The following DGKD variants were observed in gnomAD, a reference collection of about 807,000 sequenced individuals.
The protein encoded by DGKD is diacylglycerol kinase delta, also known as DAG kinase delta.
In DGKD, 68 loss-of-function variants were observed where a neutral mutation model predicts 154.4. The ratio of observed to expected loss-of-function variants is 0.44; its 90% CI spans 0.36 to 0.54. The LOEUF is 0.54. Ranked by LOEUF, DGKD falls within the 20% of genes least tolerant of loss-of-function variation. The pLI, the probability that DGKD is intolerant of heterozygous loss-of-function variation, is 0.00. For missense variants in DGKD, 1,343 were observed against 1,593.6 expected, an observed-to-expected ratio of 0.84 and a Z score of 2.68; for synonymous variants, 693 against 638.0, an observed-to-expected ratio of 1.09 and a Z score of -1.30.
At chr2:233,380,406 G>C (rs895289309) in intron 1 of DGKD, among the ~76,000 whole-genome samples, 1 of 152,188 alleles carries the variant, frequency 6.6e-6, no homozygotes, top group African/African-American at 2.4e-5. Flanking sequence ...ATGTCATCAG[G>C]ACCCACACTG....
At chr2:233,425,914 G>A (rs576982369) in intron 3 of DGKD, among the ~76,000 whole-genome samples, 2 of 152,316 alleles carry the variant, frequency 1.3e-5, no homozygotes, top group East Asian at 1.9e-4. Flanking sequence ...TAAATTTATA[G>A]AAGCATGGTT....
At chr2:233,400,549 C>T (rs542255204) in intron 3 of DGKD, among the ~76,000 whole-genome samples, 4 of 152,362 alleles carry the variant, frequency 2.6e-5, no homozygotes, top group South Asian at 2.1e-4. Context: ...TCTCCTCTCA[C>T]GGCTCTCCTT....
At chr2:233,400,231 C>CT (rs2061525130) in intron 3 of DGKD, among the ~76,000 whole-genome samples, 1 of 152,204 alleles carries the variant, frequency 6.6e-6, no homozygotes, top group Admixed American at 6.5e-5. Flanking sequence ...ATTTTCTAGA[C>CT]TAAGTAGGAA....
chr2:233,356,487 G>A (rs141815014), intron 1 of DGKD, among the ~76,000 whole-genome samples: 215 of 152,340 alleles, frequency 1.4e-3, no homozygotes, highest in Non-Finnish European at 2.2e-3. Flanking sequence ...GTACTGACCA[G>A]TGTGGGGTAG....
intron 3 of DGKD, among the ~76,000 whole-genome samples, chr2:233,406,634 T>C (rs959295498): frequency 6.6e-6 from 1 of 152,242 alleles, no homozygotes; most frequent in Non-Finnish European, 1.5e-5. Flanking sequence ...GACTATATTG[T>C]ATTAAAATTG....
chr2:233,433,086 C>G (rs1176058069), intron 3 of DGKD, among the ~76,000 whole-genome samples: 1 of 152,196 alleles, frequency 6.6e-6, no homozygotes, highest in East Asian at 1.9e-4. Flanking sequence ...AATCCCACTG[C>G]TAGGTATATA....
chr2:233,413,362 G>GT (rs2061875298), intron 3 of DGKD, among the ~76,000 whole-genome samples: 1 of 151,238 alleles, frequency 6.6e-6, no homozygotes, highest in South Asian at 2.1e-4. Flanking sequence ...TAGGTATGCA[G>GT]TTTTTTTGGG....
intron 1 of DGKD, among the ~76,000 whole-genome samples, chr2:233,355,283 CAA>C (rs1701486043): frequency 6.6e-6 from 1 of 152,234 alleles, no homozygotes; most frequent in East Asian, 1.9e-4. Context: ...GCTTGGCACC[CAA>C]CTCTCCACGG....
rs770579368 is a variant in DGKD at position 233,450,108 on chromosome 2, C to T, written c.2015C>T (p.Pro672Leu). ...PLSHSESFGVPKGRSQRKVSK... is the reference protein window; with the variant it reads ...PLSHSESFGVLKGRSQRKVSK... ...TCCCACAGCGAGAGCTTCGGGGTCC[C>T]CAAGGGGAGGAGCCAGCGCAAAGGT... Residue 672 changes from proline (P) to leucine (L), a missense_variant, in exon 16 of 30, where the codon CCC becomes CTC. Pro to Leu is a moderately conservative substitution (Grantham distance 98). Transcript: ENST00000264057. 6.2e-7 allele frequency: 1 copy of T among 1,612,828 alleles called. No individual in the cohort carries two copies. The highest frequency in any genetic ancestry group is 8.5e-7 in the Non-Finnish European group (1 of 1,179,418).
At chr2:233,437,526 C>A (rs1385397011) in intron 8 of DGKD, 47 bp downstream of exon 8, 1 of 1,552,138 alleles carries the variant, frequency 6.4e-7, no homozygotes, top group Admixed American at 1.7e-5. Flanking sequence ...CCACACGCTT[C>A]CTTCTCCACG....
Position 233,458,612 on chromosome 2 carries a change from ATT to A in DGKD, c.2694+231_2694+232del, listed in dbSNP as rs1181817947. Among the ~76,000 whole-genome samples, 98 of 140,078 alleles carry A rather than the reference ATT, an allele frequency of 7.0e-4. No homozygotes were observed. Among genetic ancestry groups the A allele is most frequent in the African/African-American group, 1.6e-3 (62 of 38,058 alleles). 91.9% of individuals were successfully genotyped at this position (140,078 alleles called of 152,430 possible). A position where few individuals can be genotyped will look rare whatever the true frequency, so the allele number is the denominator to read the frequency against. On this transcript the variant is annotated intron_variant, in intron 22 of 29. Transcript: ENST00000264057. This position sits in a 1 kb window ranked among gnomAD's most constrained non-coding sequence, Gnocchi z 6.6. ...TAAATTCTCAAGATAACTCTTTTTAATTTTTTTTTTTTTTTTTGAGACAGAGT... is the reference window on the plus strand; with the variant it reads ...TAAATTCTCAAGATAACTCTTTTTAATTTTTTTTTTTTTTTGAGACAGAGT...
At chr2:233,404,106 A>G (rs1456914730) in intron 3 of DGKD, among the ~76,000 whole-genome samples, 1 of 151,730 alleles carries the variant, frequency 6.6e-6, no homozygotes, top group African/African-American at 2.4e-5. Context: ...TGTTATATAC[A>G]TGTATAATTT....
intron 3 of DGKD, among the ~76,000 whole-genome samples, chr2:233,429,990 A>C (rs1294799224): frequency 6.6e-6 from 1 of 152,252 alleles, no homozygotes; most frequent in African/African-American, 2.4e-5. Context: ...ATGGTCATTT[A>C]ATAATTTAAA....
chr2:233,462,812 A>G (rs1257085380), intron 26 of DGKD, 77 bp downstream of exon 26: 5 of 1,269,256 alleles, frequency 3.9e-6, no homozygotes, highest in Non-Finnish European at 5.7e-6. Flanking sequence ...CTGGGCACAC[A>G]GGGCAGCACA....
At position 233,469,440 on chromosome 2, in the gene DGKD, G is replaced by A. The variant is rs938325613; in HGVS notation, c.3625G>A (p.Ala1209Thr). ...LCGIKELSRS[A>T]PAVEA Reference sequence around the variant, plus strand: ...TGGCATCAAGGAGCTGAGCCGCAGCGCCCCCGCCGTCGAGGCCTAGCCTCT... The same window carrying A: ...TGGCATCAAGGAGCTGAGCCGCAGCACCCCCGCCGTCGAGGCCTAGCCTCT... Residue 1209 changes from alanine to threonine, a missense_variant, in exon 30 of 30, where the codon GCC (alanine) becomes ACC (threonine). By Grantham distance (58) the Ala-to-Thr change is moderately conservative (BLOSUM62 0). Transcript: ENST00000264057. The A allele has an allele frequency of 7.5e-6, 12 of 1,595,886 alleles. No homozygotes were observed. In the African/African-American group the frequency reaches 8.0e-5, roughly 11 times the overall value.
At chr2:233,454,705 T>C in intron 18 of DGKD, 58 bp from the exon 19 acceptor site, 1 of 1,023,864 alleles carries the variant, frequency 9.8e-7, no homozygotes, top group East Asian at 2.4e-5. Context: ...AGGTTGGGAG[T>C]CTGAAATAAG....
chr2:233,409,786 CGTTTTT>C (rs2061777731), intron 3 of DGKD, among the ~76,000 whole-genome samples: 1 of 118,638 alleles, frequency 8.4e-6, no homozygotes, highest in Admixed American at 1.0e-4. Context: ...CCCCCCATAC[CGTTTTT>C]TTTTTTTTTT....
Position 233,462,385 on chromosome 2 carries a change from C to T in DGKD, c.3019C>T (p.Gln1007Ter), listed in dbSNP as rs756927198. ...AGCTCAGTCTCACCGGGACATGGAG[C>T]AGGAACTGGCCCACGCCGTCAATGC... ...EIAQSHRDME[Q>*]ELAHAVNASS... The change falls in exon 25 of 30, where the codon CAG becomes TAG. Residue 1007 changes from glutamine to a stop codon, truncating the protein, a stop_gained. Transcript: ENST00000264057. LOFTEE classifies it high-confidence loss of function. The T allele has an allele frequency of 6.2e-7, 1 of 1,604,392 alleles. No homozygotes were observed. The highest frequency in any genetic ancestry group is 8.5e-7 in the Non-Finnish European group (1 of 1,171,924).
Position 233,457,328 on chromosome 2 carries a change from T to C in DGKD, c.2580T>C (p.Asp860=). The change falls in exon 21 of 30, where the codon GAT becomes GAC. Residue 860 remains aspartate, a splice_region_variant and synonymous_variant. Coordinates refer to ENST00000264057, the MANE Select transcript of DGKD (RefSeq NM_152879.3). The surrounding 1 kb of genome is among the most constrained non-coding windows in gnomAD (Gnocchi z 5.5). The stretch of plus-strand genomic sequence containing the variant: ...TCTGGGGGGGTACCAAGGAAGATGA[T>C]GTATGTATGGGGTGTGAGCGGGTGG... ...TNFWGGTKED[D]TFAAPSFDDK... is the part of the protein sequence containing the mutation. 1 of 1,539,434 alleles carries C rather than the reference T, an allele frequency of 6.5e-7. No individual in the cohort carries two copies. Among genetic ancestry groups the C allele is most frequent in the Non-Finnish European group, 8.8e-7 (1 of 1,139,996 alleles).
Sources: allele counts gnomAD v4.1 joint callset (sites outside exome capture counted in the v4.1 genomes callset), GRCh38; gene constraint gnomAD v4.1.1; non-coding constraint Gnocchi (gnomAD v3.1); transcripts MANE v1.5; gene names NCBI Gene and HGNC (gene_info 2026-07-23, HGNC 2026-07-21).